Variants in NCEH1 observed in about 807,000 individuals in gnomAD.
The protein encoded by NCEH1 is 2-acetyl MAGE hydrolase.
NCEH1 carries 9 observed loss-of-function variants against 25.4 expected under a neutral mutation model. The observed-to-expected ratio is 0.35, with a 90% confidence interval of 0.21 to 0.62. The LOEUF (loss-of-function observed/expected upper bound fraction) is 0.62, where lower values mean the gene tolerates loss of function less well. Among genes scored for constraint, NCEH1 ranks in the 20% least tolerant of loss-of-function variants. The probability of loss-of-function intolerance (pLI) is 0.72; values close to 1 mark genes in which losing one functional copy is unlikely to be tolerated. For synonymous variants in NCEH1, 200 were observed against 199.8 expected (o/e 1.00, Z -0.01); for missense variants, 412 against 501.1 (o/e 0.82, Z 1.70).
intron 1 of NCEH1, among the ~76,000 whole-genome samples, chr3:172,667,000 C>A (rs1315271691): frequency 6.6e-6 from 1 of 152,176 alleles, no homozygotes; most frequent in Admixed American, 6.5e-5. Flanking sequence ...TATTTCTAAG[C>A]CAACAGCGCC....
intron 1 of NCEH1, among the ~76,000 whole-genome samples, chr3:172,648,437 A>G (rs148404408): frequency 1.3e-5 from 2 of 152,148 alleles, no homozygotes; most frequent in East Asian, 3.9e-4. Context: ...AGGATTCAGT[A>G]CCTTTTTTTT....
chr3:172,645,785 G>T, intron 2 of NCEH1, 93 bp from the exon 3 acceptor site: 1 of 671,670 alleles, frequency 1.5e-6, no homozygotes, highest in Non-Finnish European at 2.5e-6. Context: ...TTTTAGGCTT[G>T]GAGCTAATAC....
At chr3:172,664,652 T>C (rs1718122254) in intron 1 of NCEH1, among the ~76,000 whole-genome samples, 1 of 152,154 alleles carries the variant, frequency 6.6e-6, no homozygotes, top group South Asian at 2.1e-4. Flanking sequence ...GGAGGCTTTG[T>C]TTGTCTCTTT....
chr3:172,704,016 G>A (rs751392587), intron 1 of NCEH1, among the ~76,000 whole-genome samples: 23 of 152,164 alleles, frequency 1.5e-4, no homozygotes, highest in Non-Finnish European at 2.9e-4. Context: ...CATAATTTCT[G>A]GACAATCATT....
intron 3 of NCEH1, 34 bp downstream of exon 3, chr3:172,645,589 G>A: frequency 7.2e-7 from 1 of 1,391,960 alleles, no homozygotes; most frequent in Admixed American, 1.9e-5. Flanking sequence ...TCCTTTATAA[G>A]AAAAATTTTC....
intron 1 of NCEH1, among the ~76,000 whole-genome samples, chr3:172,689,811 A>G (rs1044084304): frequency 1.3e-5 from 2 of 151,756 alleles, no homozygotes; most frequent in Non-Finnish European, 2.9e-5. Context: ...CCATTTTATA[A>G]TCTCTTTGTA....
chr3:172,690,900 T>C (rs1712998497), intron 1 of NCEH1, among the ~76,000 whole-genome samples: 1 of 150,514 alleles, frequency 6.6e-6, no homozygotes, highest in African/African-American at 2.5e-5. Flanking sequence ...CATGATTATC[T>C]ACCTTTTATA....
At chr3:172,694,934 C>A (rs1444154746) in intron 1 of NCEH1, among the ~76,000 whole-genome samples, 4 of 152,128 alleles carry the variant, frequency 2.6e-5, no homozygotes, top group African/African-American at 9.7e-5. Flanking sequence ...TTTACTTATT[C>A]ATCTCATGTT....
intron 1 of NCEH1, among the ~76,000 whole-genome samples, chr3:172,648,579 G>A (rs1053492748): frequency 2.0e-5 from 3 of 151,892 alleles, no homozygotes; most frequent in African/African-American, 7.3e-5. Flanking sequence ...ATATATTTGG[G>A]TGTGTCTTAT....
At chr3:172,703,723 G>T (rs932017177) in intron 1 of NCEH1, among the ~76,000 whole-genome samples, 3 of 151,962 alleles carry the variant, frequency 2.0e-5, no homozygotes, top group Middle Eastern at 3.2e-3. Context: ...TATGCTCAGG[G>T]TTATATTTGT....
intron 3 of NCEH1, among the ~76,000 whole-genome samples, chr3:172,638,316 C>T (rs1053629564): frequency 1.7e-4 from 23 of 137,418 alleles, no homozygotes; most frequent in Middle Eastern, 4.6e-3. Context: ...AATCCCTTAG[C>T]GTTTGCCATA....
chr3:172,676,403 T>C (rs1410161220), intron 1 of NCEH1, among the ~76,000 whole-genome samples: 2 of 152,064 alleles, frequency 1.3e-5, no homozygotes, highest in Non-Finnish European at 2.9e-5. Flanking sequence ...GATAATACCA[T>C]GTGTTCAGAA....
intron 1 of NCEH1, among the ~76,000 whole-genome samples, chr3:172,659,939 C>G (rs1432653383): frequency 6.6e-6 from 1 of 151,468 alleles, no homozygotes; most frequent in Non-Finnish European, 1.5e-5. Context: ...GAGAGGAGTT[C>G]TTGGTAAGGC....
chr3:172,686,132 C>G (rs1234967177), intron 1 of NCEH1, among the ~76,000 whole-genome samples: 1 of 152,218 alleles, frequency 6.6e-6, no homozygotes, highest in African/African-American at 2.4e-5. Context: ...AAACTTTAGT[C>G]TTTTCACAAC....
intron 1 of NCEH1, among the ~76,000 whole-genome samples, chr3:172,678,618 T>C (rs921264093): frequency 6.6e-6 from 1 of 152,226 alleles, no homozygotes; most frequent in African/African-American, 2.4e-5. Context: ...GAGGAGAATT[T>C]ACAGATAAAA....
chr3:172,688,861 T>C (rs1712861503), intron 1 of NCEH1, among the ~76,000 whole-genome samples: 2 of 152,198 alleles, frequency 1.3e-5, no homozygotes, highest in Admixed American at 6.5e-5. Context: ...GCTCTGGACA[T>C]GCAGGATTCT....
intron 1 of NCEH1, among the ~76,000 whole-genome samples, chr3:172,680,396 C>T (rs1712280050): frequency 6.6e-6 from 1 of 152,170 alleles, no homozygotes; most frequent in South Asian, 2.1e-4. Flanking sequence ...TGAAGCCCCC[C>T]TCCCCCTACT....
chr3:172,708,198 AAACT>A (rs1714112991), intron 1 of NCEH1, among the ~76,000 whole-genome samples: 3 of 152,378 alleles, frequency 2.0e-5, no homozygotes, highest in Non-Finnish European at 4.4e-5. Context: ...ACAACAGAAT[AAACT>A]AACATTCACA....
At chr3:172,676,224 T>TA (rs1488299586) in intron 1 of NCEH1, among the ~76,000 whole-genome samples, 1 of 152,128 alleles carries the variant, frequency 6.6e-6, no homozygotes, top group Non-Finnish European at 1.5e-5. Context: ...CTTTTTCTGT[T>TA]AATAAAAGCA....
Sources: gnomAD v4.1 joint callset for allele counts (sites outside exome capture counted in the v4.1 genomes callset) on GRCh38, gnomAD v4.1.1 for gene constraint, MANE v1.5 for transcripts, NCBI Gene and HGNC (gene_info 2026-07-23, HGNC 2026-07-21) for gene names.